DRG1: variants seen among roughly 807,000 people sequenced by gnomAD.
DRG1 encodes developmentally-regulated GTP-binding protein 1.
In DRG1, 19 loss-of-function variants were observed where a neutral mutation model predicts 38.8. The observed-to-expected ratio is 0.49, with a 90% CI of 0.34 to 0.72. The LOEUF (loss-of-function observed/expected upper bound fraction) is 0.72, where lower values mean the gene tolerates loss of function less well. DRG1 is among the 30% of genes least tolerant of loss of function. The pLI, the probability that DRG1 is intolerant of heterozygous loss-of-function variation, is 0.01. For missense variants in DRG1, 299 were observed against 444.8 expected (o/e 0.67, Z 2.95); for synonymous variants, 167 against 157.5 (o/e 1.06, Z -0.45).
At chr22:31,403,241 C>G in intron 3 of DRG1, 37 bp downstream of exon 3, 1 of 1,560,460 alleles carries the variant, frequency 6.4e-7, no homozygotes, top group Non-Finnish European at 8.7e-7. Context: ...GGAAAGAAAT[C>G]TATTCTTCAT....
At chr22:31,412,612 G>T (rs1180063697) in intron 4 of DRG1, among the ~76,000 whole-genome samples, 1 of 151,946 alleles carries the variant, frequency 6.6e-6, no homozygotes, top group Non-Finnish European at 1.5e-5. Flanking sequence ...GCCTCCCAAA[G>T]TGCTGAGATT....
intron 8 of DRG1, 73 bp from the exon 9 acceptor site, chr22:31,433,799 G>A: frequency 7.5e-7 from 1 of 1,332,996 alleles, no homozygotes; most frequent in Non-Finnish European, 1.1e-6. Flanking sequence ...TGAGCAGAAG[G>A]GTGGCATCCA....
chr22:31,416,940 C>T (rs2050047657), intron 4 of DRG1, among the ~76,000 whole-genome samples: 1 of 150,308 alleles, frequency 6.7e-6, no homozygotes, highest in African/African-American at 2.5e-5. Flanking sequence ...TGGTATGCTT[C>T]TGTAGTCCCA....
intron 6 of DRG1, 113 bp downstream of exon 6, chr22:31,423,523 C>CA: frequency 2.1e-6 from 1 of 478,104 alleles, no homozygotes; most frequent in Non-Finnish European, 3.3e-6. Flanking sequence ...GTCCTACTGT[C>CA]TTTTTTTTTT....
intron 7 of DRG1, 95 bp from the exon 8 acceptor site, chr22:31,426,965 C>T (rs1238487993): frequency 1.3e-5 from 21 of 1,562,248 alleles, no homozygotes; most frequent in Non-Finnish European, 1.7e-5. Context: ...TGGAGGTTGT[C>T]CTGGTCTGAT....
Position 31,431,029 on chromosome 22 carries a change from C to G in DRG1, c.1005-2843C>G, listed in dbSNP as rs866255824. The stretch of plus-strand genomic sequence containing the variant: ...CACTGCACCCGGCCTTCCCCCCCCC[C>G]CCCCGCTTTTTTTTTTTTTTTTTTG... On this transcript the variant is annotated intron_variant, in intron 8 of 8. Coordinates refer to ENST00000331457, the MANE Select transcript of DRG1 (RefSeq NM_004147.4). Among the ~76,000 whole-genome samples the G allele has an allele frequency of 1.1e-3, 69 of 62,436 alleles. 1 individual carries two copies. In the South Asian group the frequency reaches 0.013, roughly 12 times the overall value. The allele number at this position is 62,436 out of a possible 152,430, so 41.0% of individuals were successfully genotyped here.
chr22:31,405,782 G>A (rs1392374839), intron 3 of DRG1, among the ~76,000 whole-genome samples: 15 of 151,656 alleles, frequency 9.9e-5, no homozygotes, highest in African/African-American at 3.1e-4. Context: ...TCCGCCTCCC[G>A]GGTTCAAGTG....
chr22:31,430,497 T>G (rs1203102638), intron 8 of DRG1, among the ~76,000 whole-genome samples: 1 of 151,970 alleles, frequency 6.6e-6, no homozygotes, highest in Non-Finnish European at 1.5e-5. Flanking sequence ...CTTCCCGGGT[T>G]CACGCCATTC....
At chr22:31,428,777 T>G (rs1053590595) in intron 8 of DRG1, among the ~76,000 whole-genome samples, 1 of 152,222 alleles carries the variant, frequency 6.6e-6, no homozygotes, top group African/African-American at 2.4e-5. Context: ...CTTGACACTT[T>G]TGAAGAGTGT....
chr22:31,426,313 C>A (rs900471169), intron 6 of DRG1, among the ~76,000 whole-genome samples: 1 of 152,174 alleles, frequency 6.6e-6, no homozygotes, highest in Non-Finnish European at 1.5e-5. Context: ...GATGCAAAAC[C>A]TGCATATTTG....
intron 4 of DRG1, among the ~76,000 whole-genome samples, chr22:31,412,713 T>C (rs1340683448): frequency 1.3e-5 from 2 of 151,832 alleles, no homozygotes; most frequent in Non-Finnish European, 2.9e-5. Flanking sequence ...TTCTTTTTTT[T>C]TGAAACACTC....
At position 31,433,894 on chromosome 22, in the gene DRG1, G is replaced by A; in HGVS notation, c.1027G>A (p.Val343Met). The change falls in exon 9 of 9, where the codon GTG becomes ATG. Residue 343 changes from valine (V) to methionine (M), a missense_variant. This residue lies in a region of DRG1 where 198 missense variants were observed against 268.1 expected (regional missense o/e 0.74). Coordinates refer to ENST00000331457, the MANE Select transcript of DRG1 (RefSeq NM_004147.4). The part of the protein sequence containing the change: ...FKYALVWGLS[V>M]KHNPQKVGKD... The stretch of plus-strand genomic sequence containing the variant: ...CAGTGCTCTGGTCTGGGGTCTCTCT[G>A]TGAAACACAATCCTCAGAAAGTGGG... The A allele has an allele frequency of 6.2e-7, 1 of 1,614,098 alleles. No homozygotes were observed. Among genetic ancestry groups the A allele is most frequent in the Non-Finnish European group, 8.5e-7 (1 of 1,179,960 alleles).
At position 31,431,029 on chromosome 22, in the gene DRG1, C is replaced by A. The variant is rs866255824; in HGVS notation, c.1005-2843C>A. ...CACTGCACCCGGCCTTCCCCCCCCC[C>A]CCCCGCTTTTTTTTTTTTTTTTTTG... is the stretch of plus-strand genomic sequence containing the variant. On this transcript the variant is annotated intron_variant, in intron 8 of 8. Transcript: ENST00000331457. 4.3e-4 allele frequency among the ~76,000 whole-genome samples: 27 copies of A among 62,444 alleles called. 2 individuals are homozygous for A. Among genetic ancestry groups the A allele is most frequent in the East Asian group, 1.3e-3 (3 of 2,360 alleles). 41.0% of individuals were successfully genotyped at this position (62,444 alleles called of 152,430 possible).
chr22:31,432,602 A>G (rs2050145796), intron 8 of DRG1, among the ~76,000 whole-genome samples: 1 of 151,550 alleles, frequency 6.6e-6, no homozygotes, highest in Non-Finnish European at 1.5e-5. Context: ...ATTTTTTTGT[A>G]TTTTTAGTAG....
rs185257652 is a variant in DRG1 at position 31,407,242 on chromosome 22, C to G, written c.343-3770C>G. The stretch of plus-strand genomic sequence containing the variant: ...GTTAATATATATTTTAGGGGAGATA[C>G]TTCAAGAAGATGCAAATCCTGTTTT... On this transcript the variant is annotated intron_variant, in intron 3 of 8. Coordinates refer to ENST00000331457, the MANE Select transcript of DRG1 (RefSeq NM_004147.4). Among the ~76,000 whole-genome samples, 4 of 152,218 alleles carry G rather than the reference C, an allele frequency of 2.6e-5. No homozygotes were observed. In the East Asian group the frequency reaches 7.7e-4, roughly 29 times the overall value.
chr22:31,403,112 C>G lies in DRG1; in HGVS notation c.250C>G (p.Leu84Val), dbSNP rs768472446. The change falls in exon 3 of 9, where the codon CTG becomes GTG. Residue 84 changes from leucine (L) to valine (V), a missense_variant. By Grantham distance (32) the Leu-to-Val change is conservative. Transcript: ENST00000331457. ...GGGGAAGTCAACACTGCTTAGTAACCTGGCAGGGGTATATTCTGAGGTGGC... is the reference window on the plus strand; with the variant it reads ...GGGGAAGTCAACACTGCTTAGTAACGTGGCAGGGGTATATTCTGAGGTGGC... ...SVGKSTLLSN[L>V]AGVYSEVAAY... 1 of 1,614,096 alleles carries G rather than the reference C, an allele frequency of 6.2e-7. No homozygotes were observed. Among genetic ancestry groups the G allele is most frequent in the South Asian group, 1.1e-5 (1 of 91,074 alleles).
chr22:31,403,977 C>CTTTTTTTTTTTT (rs11295429), intron 3 of DRG1, among the ~76,000 whole-genome samples: 1 of 81,804 alleles, frequency 1.2e-5, no homozygotes, highest in Non-Finnish European at 2.3e-5. Context: ...AAGAGAATAA[C>CTTTTTTTTTTTT]TTTTTTTTTT....
intron 2 of DRG1, among the ~76,000 whole-genome samples, chr22:31,401,287 CAAA>C (rs770447979): frequency 8.7e-6 from 1 of 115,172 alleles, no homozygotes. Flanking sequence ...GAAGATGTAC[CAAA>C]AAAAAAAAAA....
At chr22:31,400,126 A>G (rs2049952680) in intron 1 of DRG1, among the ~76,000 whole-genome samples, 1 of 151,848 alleles carries the variant, frequency 6.6e-6, no homozygotes, top group South Asian at 2.1e-4. Flanking sequence ...TTTCCTCATC[A>G]TCCTTCGCTG....
Sources: allele counts gnomAD v4.1 joint callset (sites outside exome capture counted in the v4.1 genomes callset), GRCh38; gene constraint gnomAD v4.1.1; regional missense constraint gnomAD v4.1.1; transcripts MANE v1.5; gene names NCBI Gene and HGNC (gene_info 2026-07-23, HGNC 2026-07-21).